ZNF532: variants seen among roughly 807,000 people sequenced by gnomAD.
ZNF532 encodes the protein zinc finger protein 532.
Under a neutral mutation model 89.3 loss-of-function variants are expected in ZNF532, and 22 were observed. The ratio of observed to expected loss-of-function variants is 0.25; its 90% confidence interval spans 0.18 to 0.35. The LOEUF is 0.35. Ranked by LOEUF, ZNF532 falls within the 10% of genes least tolerant of loss-of-function variation. ZNF532 has a pLI of 1.00. For synonymous variants in ZNF532, 606 were observed against 649.6 expected (o/e 0.93, Z 1.02); for missense variants, 1,132 against 1,643.4 (o/e 0.69, Z 5.38).
At chr18:58,965,278 G>C (rs866279353) in intron 7 of ZNF532, among the ~76,000 whole-genome samples, 2 of 152,166 alleles carry the variant, frequency 1.3e-5, no homozygotes, top group Non-Finnish European at 2.9e-5. Context: ...GGCTAACACT[G>C]TCTGAGGGCT....
chr18:58,896,065 C>T (rs987283695), intron 2 of ZNF532, among the ~76,000 whole-genome samples: 1 of 152,020 alleles, frequency 6.6e-6, no homozygotes, highest in African/African-American at 2.4e-5. Flanking sequence ...GTTGCCCAGG[C>T]TGGTCTTAAA....
chr18:58,866,205 C>A (rs1166920383), intron 2 of ZNF532, among the ~76,000 whole-genome samples: 1 of 152,158 alleles, frequency 6.6e-6, no homozygotes, highest in Admixed American at 6.5e-5. Flanking sequence ...CTGGCTTCAT[C>A]TGTGAAAAGA....
At chr18:58,963,795 G>A (rs2065620214) in intron 7 of ZNF532, among the ~76,000 whole-genome samples, 1 of 145,960 alleles carries the variant, frequency 6.9e-6, no homozygotes, top group Non-Finnish European at 1.5e-5. Flanking sequence ...GCACTCCAGT[G>A]TGGGCAACAG....
At chr18:58,906,053 C>T (rs934543071) in intron 2 of ZNF532, among the ~76,000 whole-genome samples, 15 of 152,104 alleles carry the variant, frequency 9.9e-5, no homozygotes, top group Non-Finnish European at 8.8e-5. Context: ...ACATACTGTC[C>T]GTGTAACTTA....
intron 9 of ZNF532, 67 bp from the exon 10 acceptor site, chr18:58,983,905 C>A: frequency 2.0e-6 from 3 of 1,534,082 alleles, no homozygotes; most frequent in Non-Finnish European, 2.6e-6. Flanking sequence ...AGTAAGAGAA[C>A]CGATCATTTA....
At chr18:58,951,799 G>A (rs1234762179) in intron 6 of ZNF532, among the ~76,000 whole-genome samples, 1 of 151,990 alleles carries the variant, frequency 6.6e-6, no homozygotes, top group Non-Finnish European at 1.5e-5. Context: ...ACAGGCACCT[G>A]CCACCATGCA....
intron 2 of ZNF532, among the ~76,000 whole-genome samples, chr18:58,894,046 T>A (rs909310500): frequency 4.6e-5 from 7 of 152,248 alleles, no homozygotes; most frequent in African/African-American, 7.2e-5. Context: ...TGGCATCATT[T>A]CCGTGTTGGA....
At position 58,879,269 on chromosome 18, in the gene ZNF532, G is replaced by GA. The variant is rs375458647; in HGVS notation, c.-18+13697dup. On this transcript the variant is annotated intron_variant, in intron 2 of 9. Transcript: ENST00000591808. ...TGCTTTCTAGAGAATGTCATTGTGA[G>GA]AAAAAAATCTTTGTTCAGACATTGG... is the stretch of plus-strand genomic sequence containing the variant. Among the ~76,000 whole-genome samples, 778 of 152,258 alleles carry GA rather than the reference G, an allele frequency of 5.1e-3. 4 individuals carry two copies. The highest frequency in any genetic ancestry group is 0.018 in the African/African-American group (754 of 41,548).
chr18:58,875,144 T>C (rs993659071), intron 2 of ZNF532, among the ~76,000 whole-genome samples: 44 of 151,396 alleles, frequency 2.9e-4, no homozygotes, highest in South Asian at 1.7e-3. Context: ...ATTTCACCTT[T>C]CCCCCCCCTT....
chr18:58,866,079 G>A (rs893148993), intron 2 of ZNF532, among the ~76,000 whole-genome samples: 12 of 152,170 alleles, frequency 7.9e-5, no homozygotes, highest in African/African-American at 2.9e-4. Flanking sequence ...CGACTCAAGT[G>A]GTGGAATGTC....
chr18:58,962,094 C>T (rs759545042), intron 7 of ZNF532, among the ~76,000 whole-genome samples: 9 of 151,940 alleles, frequency 5.9e-5, no homozygotes, highest in African/African-American at 1.5e-4. Context: ...GGCATGGTGG[C>T]GGGCATCTGT....
intron 7 of ZNF532, among the ~76,000 whole-genome samples, chr18:58,963,037 A>G (rs923045564): frequency 3.3e-5 from 5 of 152,090 alleles, no homozygotes; most frequent in Admixed American, 3.3e-4. Context: ...TGTGACTGCT[A>G]TAGCACCAAC....
intron 6 of ZNF532, among the ~76,000 whole-genome samples, chr18:58,950,040 A>G (rs1020600417): frequency 8.5e-5 from 13 of 152,390 alleles, no homozygotes; most frequent in Admixed American, 2.0e-4. Flanking sequence ...AACACCAGGA[A>G]GAATTTAAAA....
chr18:58,973,382 G>T (rs868541749), intron 7 of ZNF532, among the ~76,000 whole-genome samples: 2 of 152,184 alleles, frequency 1.3e-5, no homozygotes, highest in African/African-American at 4.8e-5. Flanking sequence ...GATTACAGGC[G>T]TGAGCCACTG....
At chr18:58,957,973 C>T (rs1208103717) in intron 7 of ZNF532, among the ~76,000 whole-genome samples, 2 of 150,206 alleles carry the variant, frequency 1.3e-5, no homozygotes, top group Non-Finnish European at 2.9e-5. Flanking sequence ...GGCTGAGGCA[C>T]GAGAATTGCT....
chr18:58,951,535 G>T (rs770025652), intron 6 of ZNF532, among the ~76,000 whole-genome samples: 2 of 151,962 alleles, frequency 1.3e-5, no homozygotes, highest in Non-Finnish European at 2.9e-5. Context: ...TGCCCTGAGT[G>T]GTGGGCATGA....
At chr18:58,864,535 T>A (rs1037011756), upstream of ZNF532, 1 of 89,820 alleles carries the variant, frequency 1.1e-5, no homozygotes, top group African/African-American at 4.2e-5. Flanking sequence ...GGGAGGTAAG[T>A]GGGGGAAGGA....
At chr18:58,969,876 T>C (rs1277828151) in intron 7 of ZNF532, among the ~76,000 whole-genome samples, 1 of 91,008 alleles carries the variant, frequency 1.1e-5, no homozygotes, top group African/African-American at 7.6e-5. Context: ...TTTGTCCCTT[T>C]TTTTTTTTTT....
rs375559499 is a variant in ZNF532 at position 58,932,898 on chromosome 18, G to GTA, written c.2347-1522_2347-1521dup. 2.6e-3 allele frequency among the ~76,000 whole-genome samples: 396 copies of GTA among 151,074 alleles called. 2 individuals carry two copies. The highest frequency in any genetic ancestry group is 3.2e-3 in the Non-Finnish European group (216 of 67,706). On this transcript the variant is annotated intron_variant, in intron 3 of 9. Transcript: ENST00000591808. Reference sequence around the variant, plus strand: ...TATGTATGTATATAAATGTGTGTGTGTATATATATATATAAATGTTTTTTG... The same window carrying GTA: ...TATGTATGTATATAAATGTGTGTGTGTATATATATATATATAAATGTTTTTTG...
Sources: allele counts gnomAD v4.1 joint callset (sites outside exome capture counted in the v4.1 genomes callset), GRCh38; gene constraint gnomAD v4.1.1; transcripts MANE v1.5; gene names NCBI Gene and HGNC (gene_info 2026-07-23, HGNC 2026-07-21).